DMKN: variants seen among roughly 807,000 people sequenced by gnomAD.
DMKN encodes epidermis-specific secreted protein SK30/SK89.
In DMKN, 58 loss-of-function variants were observed where a neutral mutation model predicts 67.6. That is an observed-to-expected ratio of 0.86 (90% CI 0.69 to 1.07). The LOEUF (loss-of-function observed/expected upper bound fraction) is 1.07, where lower values mean the gene tolerates loss of function less well. DMKN is among the 50% of genes least tolerant of loss of function. The probability of loss-of-function intolerance (pLI) is 0.00; values close to 1 mark genes in which losing one functional copy is unlikely to be tolerated. For missense variants in DMKN, 596 were observed against 601.5 expected, an observed-to-expected ratio of 0.99 and a Z score of 0.10; for synonymous variants, 240 against 232.3, an observed-to-expected ratio of 1.03 and a Z score of -0.30.
intron 13 of DMKN, among the ~76,000 whole-genome samples, chr19:35,499,687 T>C (rs1016376698): frequency 1.3e-5 from 2 of 152,200 alleles, no homozygotes; most frequent in South Asian, 4.2e-4. Context: ...GAGAGGGTGT[T>C]GGTTCTCAGT....
rs2067825358 is a variant in DMKN, at chr19:35,498,528, G to T, written c.*188C>A. The T allele has an allele frequency of 4.0e-6, 3 of 755,228 alleles. No individual in the cohort carries two copies. In the South Asian group the frequency reaches 5.5e-5, roughly 14 times the overall value. 46.8% of individuals were successfully genotyped at this position (755,228 alleles called of 1,614,324 possible). A position where few individuals can be genotyped will look rare whatever the true frequency, so the allele number is the denominator to read the frequency against. On this transcript the variant is annotated intron_variant, in intron 15 of 15. Transcript: ENST00000339686. ...CCAGCCCTAGATCACTTTATTATGG[G>T]TCTTTCTCCACACCCCACCATGAGG...
chr19:35,511,913 G>C, intron 3 of DMKN, 100 bp from the exon 4 acceptor site: 1 of 1,356,356 alleles, frequency 7.4e-7, no homozygotes, highest in Non-Finnish European at 9.9e-7. Context: ...TTTGGGGCTT[G>C]GCTTCCTTTC....
Position 35,513,224 on chromosome 19 carries a change from C to G in DMKN, c.252G>C (p.Arg84Ser), listed in dbSNP as rs1390310957. ...GTREAVGTGV[R>S]QVPGFGVADA... is the part of the protein sequence containing the mutation. ...CTGCTACGCCAAAGCCTGGAACCTG[C>G]CTGACTCCAGTGCCAACTGCTTCTC... The change falls in exon 1 of 16, where the codon AGG (arginine) becomes AGC (serine). Residue 84 changes from arginine to serine, a missense_variant. Physicochemically the swap from Arg to Ser is moderately radical, Grantham distance 110 (BLOSUM62 -1). Transcript: ENST00000339686. 1.9e-6 allele frequency: 3 copies of G among 1,614,150 alleles called. No homozygotes were observed. Among genetic ancestry groups the G allele is most frequent in the Non-Finnish European group, 2.5e-6 (3 of 1,180,054 alleles).
chr19:35,508,809 T>G (rs1374369262), intron 7 of DMKN, among the ~76,000 whole-genome samples: 3 of 151,850 alleles, frequency 2.0e-5, no homozygotes, highest in Non-Finnish European at 4.4e-5. Context: ...ATTGCAGGAG[T>G]ATGCATAGTG....
chr19:35,504,599 A>C (rs1259967291), intron 9 of DMKN, among the ~76,000 whole-genome samples: 48 of 150,756 alleles, frequency 3.2e-4, no homozygotes, highest in African/African-American at 1.1e-3. Context: ...AAAAAACAAA[A>C]GAAAGAAAGA....
rs764996302 is a variant in DMKN at position 35,513,410 on chromosome 19, G to A, written c.66C>T (p.Gly22=). The A allele has an allele frequency of 1.2e-6, 2 of 1,605,436 alleles. No individual in the cohort carries two copies. The highest frequency in any genetic ancestry group is 2.2e-5 in the East Asian group (1 of 44,866). ...LALCLGSGEA[G]PLQSGEESTG... is the part of the protein sequence containing the mutation. Reference sequence around the variant, plus strand: ...TGCTTTCCTCTCCGCTCTGCAGGGGGCCAGCCTCCCCACTGCCCAGGCAGA... The same window carrying A: ...TGCTTTCCTCTCCGCTCTGCAGGGGACCAGCCTCCCCACTGCCCAGGCAGA... The change falls in exon 1 of 16, where the codon GGC becomes GGT. Residue 22 remains glycine, a synonymous_variant. Transcript: ENST00000339686.
At chr19:35,512,853 G>T in intron 1 of DMKN, 63 bp from the exon 2 acceptor site, 1 of 1,566,918 alleles carries the variant, frequency 6.4e-7, no homozygotes, top group Non-Finnish European at 8.6e-7. Context: ...GAAGAGCCAG[G>T]GCAAATCATA....
intron 1 of DMKN, 123 bp from the exon 2 acceptor site, chr19:35,512,913 G>C: frequency 6.7e-7 from 1 of 1,503,014 alleles, no homozygotes; most frequent in Non-Finnish European, 8.9e-7. Context: ...GGCATAGGAG[G>C]GGGGCAGAAC....
rs1184568108 is a variant in DMKN, at chr19:35,505,719, T to C, written c.1133A>G (p.Lys378Arg). ...LGFINWDAIN[K>R]NQVPPPSTRA... ...CCGACGAAGATGTCCAGCCCTTACC[T>C]TGTTTATGGCATCCCAGTTGATGAA... Residue 378 changes from lysine (K) to arginine (R), a missense_variant and splice_region_variant, in exon 9 of 16, where the codon AAG becomes AGG. Coordinates refer to ENST00000339686, the MANE Select transcript of DMKN (RefSeq NM_033317.5). The C allele has an allele frequency of 4.3e-6, 7 of 1,614,218 alleles. No individual in the cohort carries two copies. The highest frequency in any genetic ancestry group is 5.1e-6 in the Non-Finnish European group (6 of 1,180,040).
chr19:35,501,616 G>A (rs972507186), intron 11 of DMKN, among the ~76,000 whole-genome samples: 1 of 152,192 alleles, frequency 6.6e-6, no homozygotes, highest in Non-Finnish European at 1.5e-5. Context: ...CAGAATTGGA[G>A]TGTGGTCTTT....
chr19:35,498,550 G>T, intron 15 of DMKN, 166 bp downstream of exon 15: 1 of 908,690 alleles, frequency 1.1e-6, no homozygotes, highest in African/African-American at 1.7e-5. Context: ...ACCCCACCAT[G>T]AGGTCCCCTC....
Position 35,497,609 on chromosome 19 carries a change from C to T in DMKN, c.*1-71G>A, listed in dbSNP as rs1335666787. The T allele has an allele frequency of 1.3e-5, 2 of 152,304 alleles. 1 individual carries two copies. 9.4% of individuals were successfully genotyped at this position (152,304 alleles called of 1,614,324 possible). On this transcript the variant is annotated intron_variant, in intron 15 of 15. Transcript: ENST00000339686. ...CTGCGGAAACGGGGCATCTTTTCAC[C>T]CAGCGTCTGGGCACCCACCATTCTT... is the stretch of plus-strand genomic sequence containing the variant.
chr19:35,503,766 G>A (rs1001015825), intron 9 of DMKN, among the ~76,000 whole-genome samples: 126 of 152,048 alleles, frequency 8.3e-4, no homozygotes, highest in African/African-American at 2.8e-3. Flanking sequence ...ATGAGCCACC[G>A]CGCCTGGCCA....
intron 10 of DMKN, among the ~76,000 whole-genome samples, 192 bp from the exon 11 acceptor site, chr19:35,502,375 A>G (rs368273972): frequency 6.6e-6 from 1 of 152,134 alleles, no homozygotes; most frequent in Non-Finnish European, 1.5e-5. Flanking sequence ...AGATTTGGTG[A>G]TAAGATTTGG....
intron 1 of DMKN, 104 bp downstream of exon 1, chr19:35,512,946 G>C (rs993975951): frequency 6.5e-7 from 1 of 1,548,894 alleles, no homozygotes; most frequent in Admixed American, 1.8e-5. Context: ...TGCCCCAGAA[G>C]CCTGCAAGTA....
At chr19:35,507,832 G>A (rs1346256277) in intron 7 of DMKN, 8 of 439,054 alleles carry the variant, frequency 1.8e-5, no homozygotes, top group East Asian at 7.9e-5. Flanking sequence ...CAAAGCATCC[G>A]AATTCTCCCC....
intron 11 of DMKN, chr19:35,501,789 A>G (rs8100640): frequency 0.53 from 804,898 of 1,522,090 alleles, 218,178 homozygotes; most frequent in African/African-American, 0.84. Context: ...CCTCAATACG[A>G]TCTCCCCGCA....
Position 35,513,573 on chromosome 19 carries a change from C to A in DMKN, c.-98G>T. 7.1e-7 allele frequency: 1 copy of A among 1,405,652 alleles called. No homozygotes were observed. The highest frequency in any genetic ancestry group is 1.4e-5 in the African/African-American group (1 of 69,482). 87.1% of individuals were successfully genotyped at this position (1,405,652 alleles called of 1,614,324 possible). ...CGTCTCTGTGCCCTCCTCTGTCCTC[C>A]TCCTTCCGACTCCCTGTCCTCCCTC... On this transcript the variant is annotated 5_prime_UTR_variant, in exon 1 of 16. It adds an upstream start codon to the 5' untranslated region. Transcript: ENST00000339686.
chr19:35,512,142 C>T lies in DMKN; in HGVS notation c.684+279G>A, dbSNP rs897955374. On this transcript the variant is annotated intron_variant, in intron 3 of 15. Transcript: ENST00000339686. Reference sequence around the variant, plus strand: ...CCTCCCAAGTGGCTGCAATTACAGGCGCATGCCACTATGACCGGCTGATTT... The same window carrying T: ...CCTCCCAAGTGGCTGCAATTACAGGTGCATGCCACTATGACCGGCTGATTT... Among the ~76,000 whole-genome samples the T allele has an allele frequency of 3.3e-5, 5 of 152,026 alleles. No individual in the cohort carries two copies. The East Asian group carries it at 5.8e-4, about 18-fold the overall frequency.
Sources: gnomAD v4.1 joint callset for allele counts (sites outside exome capture counted in the v4.1 genomes callset) on GRCh38, gnomAD v4.1.1 for gene constraint, MANE v1.5 for transcripts, NCBI Gene and HGNC (gene_info 2026-07-23, HGNC 2026-07-21) for gene names.